PLCB4: variants seen among roughly 807,000 people sequenced by gnomAD.
PLCB4 encodes phospholipase C beta 4, also known as 1-phosphatidylinositol 4,5-bisphosphate phosphodiesterase beta-4.
In PLCB4, 77 loss-of-function variants were observed where a neutral mutation model predicts 178.8. The observed-to-expected ratio is 0.43, with a 90% confidence interval of 0.36 to 0.52. The LOEUF is 0.52. Among genes scored for constraint, PLCB4 ranks in the 20% least tolerant of loss-of-function variants. The pLI is 0.00. For synonymous variants in PLCB4, 496 were observed against 490.8 expected (o/e 1.01, Z -0.14); for missense variants, 1,024 against 1,453.4 (o/e 0.70, Z 4.80).
At chr20:9,068,975 C>T (rs2089417878), upstream of PLCB4, 4 of 34,686 alleles carry the variant, frequency 1.2e-4, no homozygotes, top group Admixed American at 7.3e-4. Context: ...GGCGGGAGGG[C>T]GGGACTGGGG....
At chr20:9,296,732 A>G (rs1319992439) in intron 3 of PLCB4, among the ~76,000 whole-genome samples, 2 of 152,148 alleles carry the variant, frequency 1.3e-5, no homozygotes, top group Non-Finnish European at 2.9e-5. Flanking sequence ...GCTGGAAACC[A>G]TCATTTTCAA....
intron 19 of PLCB4, 38 bp from the exon 20 acceptor site, chr20:9,401,452 G>C: frequency 7.2e-7 from 1 of 1,392,430 alleles, no homozygotes. Context: ...CTTGGCAGTG[G>C]TTTGGTGTCA....
At chr20:9,266,908 C>T (rs962270298) in intron 3 of PLCB4, among the ~76,000 whole-genome samples, 2 of 152,010 alleles carry the variant, frequency 1.3e-5, no homozygotes, top group African/African-American at 4.8e-5. Context: ...GGGAAAGAAT[C>T]CTTAAGGATC....
chr20:9,358,861 T>C (rs1423622754), intron 7 of PLCB4, among the ~76,000 whole-genome samples: 1 of 152,064 alleles, frequency 6.6e-6, no homozygotes, highest in Non-Finnish European at 1.5e-5. Context: ...ATCCCACCAC[T>C]GCACTCCAAC....
At chr20:9,431,624 C>T (rs902433646) in intron 28 of PLCB4, among the ~76,000 whole-genome samples, 5 of 150,028 alleles carry the variant, frequency 3.3e-5, no homozygotes, top group Non-Finnish European at 5.9e-5. Flanking sequence ...CACCACCACA[C>T]GGGGCCAATT....
At chr20:9,184,466 C>T (rs774471189) in intron 2 of PLCB4, among the ~76,000 whole-genome samples, 1 of 152,022 alleles carries the variant, frequency 6.6e-6, no homozygotes, top group Non-Finnish European at 1.5e-5. Context: ...ATTTGAGAAG[C>T]CATCCATGGT....
chr20:9,342,342 A>G (rs7268671), intron 7 of PLCB4, among the ~76,000 whole-genome samples: 11,471 of 152,204 alleles, frequency 0.075, 495 homozygotes, highest in African/African-American at 0.11. Context: ...CCCAGGGTAC[A>G]TGAAATAGTG....
intron 9 of PLCB4, among the ~76,000 whole-genome samples, chr20:9,369,122 TG>T (rs1351528488): frequency 6.6e-6 from 1 of 152,192 alleles, no homozygotes; most frequent in East Asian, 1.9e-4. Context: ...ATTCAATTTC[TG>T]TGTAGGAAAC....
intron 8 of PLCB4, among the ~76,000 whole-genome samples, chr20:9,365,102 G>A (rs763221162): frequency 1.4e-4 from 21 of 152,134 alleles, no homozygotes; most frequent in Non-Finnish European, 2.2e-4. Flanking sequence ...CTCAATGGAG[G>A]CACCCAGTCA....
chr20:9,098,789 C>A (rs1220660753), intron 2 of PLCB4, among the ~76,000 whole-genome samples: 1 of 140,478 alleles, frequency 7.1e-6, no homozygotes, highest in African/African-American at 2.7e-5. Context: ...CTATTTAATA[C>A]ATGAGACATC....
intron 3 of PLCB4, among the ~76,000 whole-genome samples, chr20:9,276,753 G>A (rs1052460386): frequency 6.6e-6 from 1 of 151,912 alleles, no homozygotes; most frequent in Non-Finnish European, 1.5e-5. Flanking sequence ...CAGCTATTCT[G>A]TTCTACTCAA....
intron 19 of PLCB4, among the ~76,000 whole-genome samples, chr20:9,400,091 A>G (rs994301243): frequency 1.3e-5 from 2 of 151,654 alleles, no homozygotes; most frequent in African/African-American, 4.9e-5. Flanking sequence ...ACAATTACCC[A>G]CTTGTTGTTG....
intron 4 of PLCB4, among the ~76,000 whole-genome samples, chr20:9,335,309 A>G (rs1401369731): frequency 6.6e-6 from 1 of 151,942 alleles, no homozygotes; most frequent in African/African-American, 2.4e-5. Context: ...CAATGAAACA[A>G]CTCTTCTATA....
intron 2 of PLCB4, among the ~76,000 whole-genome samples, chr20:9,189,569 C>G (rs1451286568): frequency 6.6e-6 from 1 of 152,200 alleles, no homozygotes; most frequent in Non-Finnish European, 1.5e-5. Flanking sequence ...CCGGACTCCA[C>G]CCACTAGATG....
chr20:9,211,239 G>A (rs758172359), intron 2 of PLCB4, among the ~76,000 whole-genome samples: 9 of 152,220 alleles, frequency 5.9e-5, no homozygotes, highest in South Asian at 4.2e-4. Flanking sequence ...TCCTAACACC[G>A]CCTGCATTTT....
intron 36 of PLCB4, among the ~76,000 whole-genome samples, chr20:9,469,092 T>C (rs1295091186): frequency 6.6e-6 from 1 of 152,132 alleles, no homozygotes; most frequent in Non-Finnish European, 1.5e-5. Flanking sequence ...GCGATTCTCC[T>C]GCCTGAGCCT....
In PLCB4 at chr20:9,459,680, A is replaced by T. The variant is rs1409934298; in HGVS notation, c.3118A>T (p.Ile1040Phe). The T allele has an allele frequency of 6.2e-7, 1 of 1,613,454 alleles. No homozygotes were observed. Among genetic ancestry groups the T allele is most frequent in the East Asian group, 2.2e-5 (1 of 44,836 alleles). ...AQHTKEWSEM[I>F]NTHSAEEQEI... ...GCACACAAAGGAATGGTCAGAAATG[A>T]TCAATACCCACAGTGCTGAGGAGCA... Residue 1040 changes from isoleucine (I) to phenylalanine (F), a missense_variant, in exon 35 of 40, where the codon ATC (isoleucine) becomes TTC (phenylalanine). Around this residue, in one of 7 missense-constraint regions of PLCB4, gnomAD observed 264 missense variants for 283.2 expected, o/e 0.93. Transcript: ENST00000378473.
intron 30 of PLCB4, among the ~76,000 whole-genome samples, chr20:9,443,508 G>T (rs990796149): frequency 1.3e-5 from 2 of 152,274 alleles, no homozygotes; most frequent in East Asian, 1.9e-4. Flanking sequence ...TTGCCTGAAA[G>T]GTTTTGTGAA....
Position 9,418,771 on chromosome 20 carries a change from T to C in PLCB4, c.2052-1036T>C, listed in dbSNP as rs188613735. Among the ~76,000 whole-genome samples, 18 of 152,312 alleles carry C rather than the reference T, an allele frequency of 1.2e-4. No individual in the cohort carries two copies. The East Asian group carries it at 3.5e-3, about 29-fold the overall frequency. ...CATCAATTTGAGAAATACTTCCAGC[T>C]TAACAATATGGTCTTCCAACCCATG... is the stretch of plus-strand genomic sequence containing the variant. On this transcript the variant is annotated intron_variant, in intron 25 of 39. Coordinates refer to ENST00000378473, the MANE Select transcript of PLCB4 (RefSeq NM_001377142.1).
Sources: gnomAD v4.1 joint callset for allele counts (sites outside exome capture counted in the v4.1 genomes callset) on GRCh38, gnomAD v4.1.1 for gene constraint, gnomAD v4.1.1 regional missense constraint, MANE v1.5 for transcripts, NCBI Gene and HGNC (gene_info 2026-07-23, HGNC 2026-07-21) for gene names.